PCDH9: variants seen among roughly 807,000 people sequenced by gnomAD.
PCDH9 encodes protocadherin 9.
In PCDH9, 24 loss-of-function variants were observed where a neutral mutation model predicts 70.6. The observed-to-expected ratio is 0.34, with a 90% CI of 0.25 to 0.48. The LOEUF is 0.48. Ranked by LOEUF, PCDH9 falls within the 20% of genes least tolerant of loss-of-function variation. The probability of loss-of-function intolerance (pLI) is 0.99; values close to 1 mark genes in which losing one functional copy is unlikely to be tolerated. For missense variants in PCDH9, 1,281 were observed against 1,503.6 expected (o/e 0.85, Z 2.45); for synonymous variants, 562 against 558.5 (o/e 1.01, Z -0.09).
chr13:66,602,680 C>A (rs1316906237), intron 4 of PCDH9, among the ~76,000 whole-genome samples: 1 of 145,286 alleles, frequency 6.9e-6, no homozygotes, highest in Non-Finnish European at 1.5e-5. Flanking sequence ...TAAATAAGTT[C>A]AGTGCGGCCT....
intron 3 of PCDH9, among the ~76,000 whole-genome samples, chr13:66,721,357 T>C (rs891351127): frequency 2.6e-5 from 4 of 152,194 alleles, no homozygotes; most frequent in Non-Finnish European, 5.9e-5. Context: ...ATGGACTTCA[T>C]AATGTACATT....
intron 2 of PCDH9, among the ~76,000 whole-genome samples, chr13:66,934,033 T>C (rs1594279818): frequency 6.6e-6 from 1 of 152,134 alleles, no homozygotes; most frequent in East Asian, 1.9e-4. Flanking sequence ...TAAATACAAA[T>C]CATGCTGACA....
chr13:67,228,718 A>T (rs2089943150), intron 1 of PCDH9, 143 bp from the exon 2 acceptor site: 1 of 325,650 alleles, frequency 3.1e-6, no homozygotes, highest in Non-Finnish European at 5.5e-6. Context: ...TCTGTGGAGA[A>T]AAACACTAAA....
rs2138216409 is a variant in PCDH9 at position 67,092,935 on chromosome 13, C to T, written c.3036+132470G>A. Among the ~76,000 whole-genome samples, 2 of 151,782 alleles carry T rather than the reference C, an allele frequency of 1.3e-5. 1 individual carries two copies. The highest frequency in any genetic ancestry group is 4.2e-4 in the South Asian group (2 of 4,790). On this transcript the variant is annotated intron_variant, in intron 2 of 4. Coordinates refer to ENST00000377865, the MANE Select transcript of PCDH9 (RefSeq NM_203487.3). ...AATTGCAGCTTTTAATGGCGTAGACCACTAGGCCACAATGTAAAGAAGGGG... is the reference window on the plus strand; with the variant it reads ...AATTGCAGCTTTTAATGGCGTAGACTACTAGGCCACAATGTAAAGAAGGGG...
intron 4 of PCDH9, among the ~76,000 whole-genome samples, chr13:66,542,600 T>TA (rs1426686214): frequency 1.3e-5 from 2 of 151,326 alleles, no homozygotes; most frequent in Non-Finnish European, 2.9e-5. Context: ...CGTGTGAGCC[T>TA]ATTCCTTAAA....
intron 4 of PCDH9, among the ~76,000 whole-genome samples, chr13:66,337,620 A>AACAAACAAACAG (rs1157693949): frequency 6.9e-6 from 1 of 145,610 alleles, no homozygotes; most frequent in Admixed American, 7.0e-5. Context: ...CAAACAAACA[A>AACAAACAAACAG]ACAGAAATAC....
At chr13:66,366,478 C>G (rs1264195897) in intron 4 of PCDH9, among the ~76,000 whole-genome samples, 1 of 151,946 alleles carries the variant, frequency 6.6e-6, no homozygotes, top group Non-Finnish European at 1.5e-5. Flanking sequence ...AAATGTCCAC[C>G]TAAGTTGATT....
chr13:66,659,418 T>A (rs1032518291), intron 3 of PCDH9, among the ~76,000 whole-genome samples: 1 of 152,188 alleles, frequency 6.6e-6, no homozygotes, highest in South Asian at 2.1e-4. Context: ...TTTTATATCC[T>A]TGGGGAGGAC....
At chr13:66,393,658 A>T (rs910723096) in intron 4 of PCDH9, among the ~76,000 whole-genome samples, 2 of 152,244 alleles carry the variant, frequency 1.3e-5, no homozygotes, top group African/African-American at 2.4e-5. Flanking sequence ...CTGCACAAGA[A>T]GCCCAGAAAT....
Position 66,874,274 on chromosome 13 carries a change from T to A in PCDH9, c.3138+29230A>T, listed in dbSNP as rs2081756020. 2.0e-5 allele frequency among the ~76,000 whole-genome samples: 3 copies of A among 152,192 alleles called. No homozygotes were observed. In the South Asian group the frequency reaches 6.2e-4, roughly 31 times the overall value. On this transcript the variant is annotated intron_variant, in intron 3 of 4. Coordinates refer to ENST00000377865, the MANE Select transcript of PCDH9 (RefSeq NM_203487.3). Reference sequence around the variant, plus strand: ...CTCAGCCCTGCAAATCTTAACATCATTTTTTCAGCTTTACTGAAAAGCTAG... The same window carrying A: ...CTCAGCCCTGCAAATCTTAACATCAATTTTTCAGCTTTACTGAAAAGCTAG...
At chr13:66,335,559 C>A (rs925040997) in intron 4 of PCDH9, among the ~76,000 whole-genome samples, 9 of 152,062 alleles carry the variant, frequency 5.9e-5, no homozygotes, top group African/African-American at 2.2e-4. Context: ...AGAGGTAGGT[C>A]TTTTTATTCT....
At chr13:67,203,890 T>C (rs1234079017) in intron 2 of PCDH9, 1 of 152,000 alleles carries the variant, frequency 6.6e-6, no homozygotes, top group Non-Finnish European at 1.5e-5. Flanking sequence ...ACAGTCTTAG[T>C]AGTAGAAAAT....
At chr13:67,092,712 C>A (rs1191386659) in intron 2 of PCDH9, among the ~76,000 whole-genome samples, 1 of 152,176 alleles carries the variant, frequency 6.6e-6, no homozygotes, top group Non-Finnish European at 1.5e-5. Flanking sequence ...TATGTTATTT[C>A]ATTTTATTTC....
At chr13:66,837,353 G>A (rs939239893) in intron 3 of PCDH9, among the ~76,000 whole-genome samples, 9 of 152,102 alleles carry the variant, frequency 5.9e-5, no homozygotes, top group African/African-American at 2.2e-4. Context: ...GGTACTGTTA[G>A]TGGCTTCGTT....
intron 2 of PCDH9, among the ~76,000 whole-genome samples, chr13:67,082,205 T>C (rs183352533): frequency 1.3e-5 from 2 of 152,324 alleles, no homozygotes; most frequent in Admixed American, 6.5e-5. Context: ...TTAGTCATAT[T>C]GCATAACTGA....
At chr13:66,359,900 A>G (rs1447991040) in intron 4 of PCDH9, among the ~76,000 whole-genome samples, 1 of 152,120 alleles carries the variant, frequency 6.6e-6, no homozygotes, top group Non-Finnish European at 1.5e-5. Context: ...AAGTATGTAT[A>G]TTTTTAATAC....
At chr13:66,816,457 C>A (rs889191618) in intron 3 of PCDH9, among the ~76,000 whole-genome samples, 1 of 152,022 alleles carries the variant, frequency 6.6e-6, no homozygotes, top group Non-Finnish European at 1.5e-5. Context: ...CACCTCCCCC[C>A]ACACACACTC....
At chr13:66,654,945 C>CT (rs1400505546) in intron 3 of PCDH9, among the ~76,000 whole-genome samples, 1 of 151,966 alleles carries the variant, frequency 6.6e-6, no homozygotes, top group Non-Finnish European at 1.5e-5. Flanking sequence ...AGGCTGGTCC[C>CT]TAACTCCTAA....
chr13:66,686,813 G>A (rs1446006761), intron 3 of PCDH9, among the ~76,000 whole-genome samples: 1 of 152,032 alleles, frequency 6.6e-6, no homozygotes, highest in Non-Finnish European at 1.5e-5. Context: ...GCAACATTCT[G>A]GGCAGGGCAC....
Sources: gnomAD v4.1 joint callset for allele counts (sites outside exome capture counted in the v4.1 genomes callset) on GRCh38, gnomAD v4.1.1 for gene constraint, MANE v1.5 for transcripts, NCBI Gene and HGNC (gene_info 2026-07-23, HGNC 2026-07-21) for gene names.